Variants in GRIP1 observed in about 807,000 individuals in gnomAD.
GRIP1 encodes glutamate receptor-interacting protein 1.
In GRIP1, 45 loss-of-function variants were observed where a neutral mutation model predicts 129.9. That is an observed-to-expected ratio of 0.35 (90% CI 0.27 to 0.44). The LOEUF (loss-of-function observed/expected upper bound fraction) is 0.44, where lower values mean the gene tolerates loss of function less well. Among genes scored for constraint, GRIP1 ranks in the 20% least tolerant of loss-of-function variants. The pLI, the probability that GRIP1 is intolerant of heterozygous loss-of-function variation, is 1.00. For synonymous variants in GRIP1, 530 were observed against 520.8 expected (o/e 1.02, Z -0.24); for missense variants, 1,196 against 1,396.8 (o/e 0.86, Z 2.29).
intron 1 of GRIP1, among the ~76,000 whole-genome samples, chr12:66,656,111 G>T (rs888320712): frequency 4.6e-5 from 7 of 152,080 alleles, no homozygotes; most frequent in Non-Finnish European, 8.8e-5. Flanking sequence ...AGGTTTTTGA[G>T]AGCAATGAGC....
chr12:66,477,546 A>G (rs1301323104), intron 7 of GRIP1, among the ~76,000 whole-genome samples: 1 of 152,042 alleles, frequency 6.6e-6, no homozygotes, highest in Non-Finnish European at 1.5e-5. Flanking sequence ...TTCATATGGA[A>G]CCAAAAAAGA....
chr12:66,771,556 G>T (rs1207892680), intron 1 of GRIP1, among the ~76,000 whole-genome samples: 2 of 152,234 alleles, frequency 1.3e-5, no homozygotes, highest in Middle Eastern at 3.4e-3. Flanking sequence ...GGTTCATTTT[G>T]GTCCAAAGAG....
At chr12:66,895,887 A>T (rs940673499) in intron 1 of GRIP1, among the ~76,000 whole-genome samples, 2 of 152,176 alleles carry the variant, frequency 1.3e-5, no homozygotes, top group Non-Finnish European at 2.9e-5. Flanking sequence ...AAATGTGTTT[A>T]AAACTCAAAA....
intron 15 of GRIP1, among the ~76,000 whole-genome samples, chr12:66,417,070 A>C (rs1178552681): frequency 2.0e-5 from 3 of 152,160 alleles, no homozygotes; most frequent in East Asian, 3.8e-4. Context: ...AGTCAAAAAT[A>C]TATTAAAAAG....
intron 1 of GRIP1, among the ~76,000 whole-genome samples, chr12:66,742,234 T>A (rs372494593): frequency 6.6e-6 from 1 of 152,202 alleles, no homozygotes; most frequent in African/African-American, 2.4e-5. Context: ...ATATTTGCAT[T>A]TTTACTGGAA....
intron 2 of GRIP1, among the ~76,000 whole-genome samples, chr12:66,588,139 T>C (rs1248332622): frequency 1.3e-5 from 2 of 152,270 alleles, no homozygotes; most frequent in East Asian, 1.9e-4. Context: ...AGGGGAAACA[T>C]AAAGCATAGT....
intron 1 of GRIP1, among the ~76,000 whole-genome samples, chr12:66,663,686 TAA>T (rs1332149604): frequency 2.0e-5 from 3 of 152,186 alleles, no homozygotes; most frequent in Non-Finnish European, 2.9e-5. Flanking sequence ...GTTAGGCTCC[TAA>T]ATTTTTGTAA....
chr12:66,762,790 T>C (rs1413382360), intron 1 of GRIP1, among the ~76,000 whole-genome samples: 1 of 152,206 alleles, frequency 6.6e-6, no homozygotes, highest in Non-Finnish European at 1.5e-5. Context: ...TTAAATGCCT[T>C]AATCGGAGCA....
At chr12:66,628,998 T>C (rs2030427695) in intron 1 of GRIP1, among the ~76,000 whole-genome samples, 1 of 152,270 alleles carries the variant, frequency 6.6e-6, no homozygotes, top group African/African-American at 2.4e-5. Flanking sequence ...CAATCATTTT[T>C]AAATGCTATC....
chr12:66,907,172 A>G (rs1295056273), intron 1 of GRIP1, among the ~76,000 whole-genome samples: 1 of 152,204 alleles, frequency 6.6e-6, no homozygotes, highest in East Asian at 1.9e-4. Context: ...TGACTTTTAA[A>G]CAATCATGAT....
At chr12:66,749,581 T>C (rs1335453894) in intron 1 of GRIP1, among the ~76,000 whole-genome samples, 1 of 152,190 alleles carries the variant, frequency 6.6e-6, no homozygotes, top group African/African-American at 2.4e-5. Context: ...CTAACCGGTA[T>C]GCAGTAGTTA....
At chr12:66,371,596 A>C in intron 23 of GRIP1, 98 bp downstream of exon 23, 1 of 816,418 alleles carries the variant, frequency 1.2e-6, no homozygotes, top group Non-Finnish European at 2.2e-6. Context: ...GGCTGAGCCC[A>C]TAGGAGGATA....
At chr12:66,965,802 T>A (rs746347849) in intron 1 of GRIP1, among the ~76,000 whole-genome samples, 7 of 152,128 alleles carry the variant, frequency 4.6e-5, no homozygotes, top group Non-Finnish European at 1.0e-4. Flanking sequence ...GCAAGACTCA[T>A]CCTCTTAATG....
chr12:66,962,416 T>C (rs1294129923), intron 1 of GRIP1, among the ~76,000 whole-genome samples: 1 of 152,150 alleles, frequency 6.6e-6, no homozygotes, highest in Non-Finnish European at 1.5e-5. Context: ...GGGAGTCTTT[T>C]ACAGGCCCTG....
At chr12:66,603,097 A>G (rs1424559346) in intron 1 of GRIP1, among the ~76,000 whole-genome samples, 2 of 151,370 alleles carry the variant, frequency 1.3e-5, no homozygotes, top group Admixed American at 1.3e-4. Flanking sequence ...CCTGGCCTCA[A>G]GTGATCCTCC....
intron 7 of GRIP1, among the ~76,000 whole-genome samples, chr12:66,507,742 C>A (rs1221803487): frequency 6.6e-6 from 1 of 150,854 alleles, no homozygotes; most frequent in African/African-American, 2.4e-5. Flanking sequence ...AGATATAATA[C>A]CATAGGGCAT....
chr12:67,016,646 G>T (rs1236058122), intron 1 of GRIP1, among the ~76,000 whole-genome samples: 13 of 152,100 alleles, frequency 8.5e-5, no homozygotes, highest in Non-Finnish European at 2.9e-5. Context: ...GGGAATTAAA[G>T]TCTGAACTTC....
intron 1 of GRIP1, among the ~76,000 whole-genome samples, chr12:66,634,243 T>A (rs1023039392): frequency 6.6e-6 from 1 of 152,174 alleles, no homozygotes; most frequent in African/African-American, 2.4e-5. Context: ...TGTGTTACAT[T>A]TTTTTTCCCA....
intron 1 of GRIP1, among the ~76,000 whole-genome samples, chr12:66,762,230 T>C (rs1008112488): frequency 1.3e-5 from 2 of 152,158 alleles, no homozygotes; most frequent in Admixed American, 6.5e-5. Context: ...CTTTCCTCAA[T>C]AGTAAGTGTC....
Sources: allele counts gnomAD v4.1 joint callset (sites outside exome capture counted in the v4.1 genomes callset), GRCh38; gene constraint gnomAD v4.1.1; transcripts MANE v1.5; gene names NCBI Gene and HGNC (gene_info 2026-07-23, HGNC 2026-07-21).